KCNE1: variants seen among roughly 807,000 people sequenced by gnomAD.
KCNE1 encodes potassium voltage-gated channel subfamily E regulatory subunit 1.
A neutral mutation model predicts 2.9 loss-of-function variants in KCNE1; 1 was observed. The ratio of observed to expected loss-of-function variants is 0.34; its 90% CI spans 0.12 to 1.62. KCNE1 has a LOEUF of 1.62. KCNE1 is among the 40% of genes most tolerant of loss of function. KCNE1 has a pLI of 0.36. For missense variants in KCNE1, 45 were observed against 150.5 expected, an observed-to-expected ratio of 0.30 and a Z score of 3.67; for synonymous variants, 23 against 65.4, an observed-to-expected ratio of 0.35 and a Z score of 3.13.
At chr21:34,498,060 A>G (rs919790729) in intron 2 of KCNE1, among the ~76,000 whole-genome samples, 2 of 151,748 alleles carry the variant, frequency 1.3e-5, no homozygotes, top group African/African-American at 4.8e-5. Context: ...TATGATATCT[A>G]TTTATCTGGA....
rs527382855 is a variant in KCNE1 at position 34,501,291 on chromosome 21, A to G, written c.-162+9810T>C. On this transcript the variant is annotated intron_variant, in intron 2 of 3. Transcript: ENST00000399286. The stretch of plus-strand genomic sequence containing the variant: ...TATAGTAAGTTACTGCTCAAAGGAA[A>G]ACTGATAGAAAAAGGGTCTCCACCT... 4.6e-5 allele frequency among the ~76,000 whole-genome samples: 7 copies of G among 152,310 alleles called. No homozygotes were observed. The East Asian group carries it at 1.2e-3, about 25-fold the overall frequency.
chr21:34,495,755 G>A (rs1476890480), intron 2 of KCNE1, among the ~76,000 whole-genome samples: 1 of 151,876 alleles, frequency 6.6e-6, no homozygotes, highest in African/African-American at 2.4e-5. Flanking sequence ...GAGCTTATTT[G>A]GATCTTCTCT....
chr21:34,511,293 A>G lies in KCNE1; in HGVS notation c.-354T>C, dbSNP rs1377033101. On this transcript the variant is annotated 5_prime_UTR_variant, in exon 2 of 4. Transcript: ENST00000399286. The stretch of plus-strand genomic sequence containing the variant: ...TTCAACGCCCTCCAGGACAGGCCGA[A>G]GGGCTTGTCTGTTTGGTGGTTGCTA... The G allele has an allele frequency of 2.0e-6, 2 of 985,406 alleles. No individual in the cohort carries two copies. Among genetic ancestry groups the G allele is most frequent in the Non-Finnish European group, 2.4e-6 (2 of 830,000 alleles). 61.0% of individuals were successfully genotyped at this position (985,406 alleles called of 1,614,324 possible).
At chr21:34,506,925 A>G (rs1177524911) in intron 2 of KCNE1, among the ~76,000 whole-genome samples, 1 of 152,230 alleles carries the variant, frequency 6.6e-6, no homozygotes, top group African/African-American at 2.4e-5. Flanking sequence ...TTGAAGCTGG[A>G]AAGTCAGAGG....
At chr21:34,449,721 G>A (rs368387585) in intron 3 of KCNE1, 37 bp from the exon 4 acceptor site, 42 of 579,602 alleles carry the variant, frequency 7.2e-5, no homozygotes, top group African/African-American at 4.9e-4. Context: ...CAAAAAGTAC[G>A]TATTGGCCAA....
intron 2 of KCNE1, among the ~76,000 whole-genome samples, chr21:34,499,896 A>G (rs1983062330): frequency 6.6e-6 from 1 of 152,174 alleles, no homozygotes; most frequent in Non-Finnish European, 1.5e-5. Context: ...GTGTCTCCAC[A>G]TACTCCTCTG....
chr21:34,501,962 T>G (rs1437738923), intron 2 of KCNE1, among the ~76,000 whole-genome samples: 1 of 152,228 alleles, frequency 6.6e-6, no homozygotes, highest in Admixed American at 6.5e-5. Flanking sequence ...AGGTGGGCTT[T>G]GAACTTGGTG....
intron 1 of KCNE1, among the ~76,000 whole-genome samples, chr21:34,511,662 C>T (rs1203334065): frequency 1.3e-5 from 2 of 152,252 alleles, no homozygotes; most frequent in Admixed American, 6.5e-5. Flanking sequence ...CTTGCCAAGA[C>T]AGCCAGCTTA....
rs1030879605 is a variant in KCNE1 at position 34,508,255 on chromosome 21, T to C, written c.-162+2846A>G. On this transcript the variant is annotated intron_variant, in intron 2 of 3. Coordinates refer to ENST00000399286, the MANE Select transcript of KCNE1 (RefSeq NM_000219.6). ...GTTGCCTAGGCTGGTCTCCAACTCCTGGGCTCAAGCAATCTGCCCGCCTCG... is the reference window on the plus strand; with the variant it reads ...GTTGCCTAGGCTGGTCTCCAACTCCCGGGCTCAAGCAATCTGCCCGCCTCG... Among the ~76,000 whole-genome samples, 3 of 151,958 alleles carry C rather than the reference T, an allele frequency of 2.0e-5. No individual in the cohort carries two copies. In the East Asian group the frequency reaches 5.8e-4, roughly 29 times the overall value.
At chr21:34,496,624 T>C (rs917344859) in intron 2 of KCNE1, among the ~76,000 whole-genome samples, 2 of 152,230 alleles carry the variant, frequency 1.3e-5, no homozygotes, top group Non-Finnish European at 2.9e-5. Context: ...ACGAAAAGAA[T>C]GTTTATTCTG....
chr21:34,502,658 G>C (rs1983237429), intron 2 of KCNE1, among the ~76,000 whole-genome samples: 1 of 152,164 alleles, frequency 6.6e-6, no homozygotes, highest in Non-Finnish European at 1.5e-5. Flanking sequence ...CTGATGACTT[G>C]ACCTATTTGT....
chr21:34,502,875 C>A (rs1208789800), intron 2 of KCNE1, among the ~76,000 whole-genome samples: 1 of 152,190 alleles, frequency 6.6e-6, no homozygotes, highest in Admixed American at 6.5e-5. Context: ...CTGAGCTCAC[C>A]ATGACTTCTA....
At chr21:34,502,074 C>A (rs925506455) in intron 2 of KCNE1, among the ~76,000 whole-genome samples, 1 of 152,182 alleles carries the variant, frequency 6.6e-6, no homozygotes, top group African/African-American at 2.4e-5. Flanking sequence ...TGCATTCATG[C>A]ATGCTTTTGC....
chr21:34,498,164 C>A (rs1045794064), intron 2 of KCNE1, among the ~76,000 whole-genome samples: 43 of 152,136 alleles, frequency 2.8e-4, no homozygotes, highest in African/African-American at 1.0e-3. Flanking sequence ...AATAACCAAC[C>A]TTCTGAATTC....
chr21:34,497,237 T>C (rs1461633646), intron 2 of KCNE1, among the ~76,000 whole-genome samples: 31 of 152,180 alleles, frequency 2.0e-4, no homozygotes, highest in African/African-American at 2.4e-5. Flanking sequence ...TCTGTTGTTG[T>C]TGTTGTTTGT....
At chr21:34,510,679 C>T (rs927763396) in intron 2 of KCNE1, 1 of 152,814 alleles carries the variant, frequency 6.5e-6, no homozygotes, top group African/African-American at 2.4e-5. Context: ...CCTTAGTCCT[C>T]TTGCAGCCCA....
chr21:34,498,015 T>C (rs1396125458), intron 2 of KCNE1, among the ~76,000 whole-genome samples: 2 of 152,220 alleles, frequency 1.3e-5, no homozygotes, highest in African/African-American at 4.8e-5. Flanking sequence ...TCTAAGTGTG[T>C]CTTCCATTTC....
intron 2 of KCNE1, among the ~76,000 whole-genome samples, chr21:34,500,726 C>T (rs1983114669): frequency 6.6e-6 from 1 of 152,118 alleles, no homozygotes; most frequent in Non-Finnish European, 1.5e-5. Context: ...AAAAATAACA[C>T]CATATATGCA....
At chr21:34,495,510 C>T (rs146456953) in intron 2 of KCNE1, among the ~76,000 whole-genome samples, 2 of 71,366 alleles carry the variant, frequency 2.8e-5, no homozygotes, top group East Asian at 7.2e-4. Context: ...TGGTCCTGGA[C>T]TTTTTTTTTT....
Sources: gnomAD v4.1 joint callset for allele counts (sites outside exome capture counted in the v4.1 genomes callset) on GRCh38, gnomAD v4.1.1 for gene constraint, MANE v1.5 for transcripts, NCBI Gene and HGNC (gene_info 2026-07-23, HGNC 2026-07-21) for gene names.